Variants in PDE4B observed in about 807,000 individuals in gnomAD.
PDE4B encodes the protein 3',5'-cyclic-AMP phosphodiesterase 4B.
PDE4B carries 20 observed loss-of-function variants against 82.2 expected under a neutral mutation model. The ratio of observed to expected loss-of-function variants is 0.24; its 90% CI spans 0.17 to 0.35. PDE4B has a LOEUF of 0.35. Among genes scored for constraint, PDE4B ranks in the 10% least tolerant of loss-of-function variants. The pLI, the probability that PDE4B is intolerant of heterozygous loss-of-function variation, is 1.00. For missense variants in PDE4B, 655 were observed against 907.2 expected (o/e 0.72, Z 3.57); for synonymous variants, 320 against 318.9 (o/e 1.00, Z -0.04).
At chr1:65,855,884 C>T (rs754572991) in intron 1 of PDE4B, among the ~76,000 whole-genome samples, 3 of 152,080 alleles carry the variant, frequency 2.0e-5, no homozygotes, top group Non-Finnish European at 4.4e-5. Flanking sequence ...AGGCTAACCT[C>T]ATTTGCCTGC....
intron 1 of PDE4B, among the ~76,000 whole-genome samples, chr1:65,803,480 T>A (rs186795530): frequency 6.6e-6 from 1 of 152,268 alleles, no homozygotes; most frequent in Non-Finnish European, 1.5e-5. Context: ...AAGAGAACAA[T>A]AAAAACAACA....
At chr1:66,210,727 A>G (rs1649976822) in intron 3 of PDE4B, among the ~76,000 whole-genome samples, 1 of 152,110 alleles carries the variant, frequency 6.6e-6, no homozygotes, top group Admixed American at 6.5e-5. Context: ...TTTGCCAAAC[A>G]GGCAGGAGCA....
chr1:66,227,938 A>T (rs1557646689), intron 3 of PDE4B, among the ~76,000 whole-genome samples: 1 of 152,162 alleles, frequency 6.6e-6, no homozygotes. Flanking sequence ...AATCATCATC[A>T]GTCCTTGTCT....
intron 3 of PDE4B, among the ~76,000 whole-genome samples, chr1:65,920,100 T>C (rs1035771137): frequency 1.3e-5 from 2 of 152,212 alleles, no homozygotes; most frequent in African/African-American, 4.8e-5. Flanking sequence ...TCACATAGCT[T>C]ATGTGATTAG....
intron 3 of PDE4B, among the ~76,000 whole-genome samples, chr1:66,059,922 G>T (rs879755501): frequency 6.6e-6 from 1 of 151,958 alleles, no homozygotes; most frequent in South Asian, 2.1e-4. Flanking sequence ...ACAATTTCTG[G>T]CCAAAATGGC....
chr1:65,909,336 GA>G (rs1485094006), intron 1 of PDE4B, among the ~76,000 whole-genome samples: 4 of 152,128 alleles, frequency 2.6e-5, no homozygotes. Context: ...ATGTGTCCAT[GA>G]TATAGAATTT....
intron 1 of PDE4B, among the ~76,000 whole-genome samples, chr1:65,848,146 T>A (rs1364221355): frequency 7.3e-6 from 1 of 136,462 alleles, no homozygotes. Flanking sequence ...AGCTTTATCA[T>A]TTTTTTTTTT....
At chr1:65,799,587 T>C (rs1645671866) in intron 1 of PDE4B, among the ~76,000 whole-genome samples, 2 of 152,234 alleles carry the variant, frequency 1.3e-5, no homozygotes, top group African/African-American at 4.8e-5. Flanking sequence ...GTTATACTCA[T>C]GCACTAACTG....
chr1:65,795,770 C>G (rs990800512), intron 1 of PDE4B, among the ~76,000 whole-genome samples: 5 of 152,354 alleles, frequency 3.3e-5, no homozygotes, highest in Admixed American at 3.3e-4. Flanking sequence ...CTCTTTGGTC[C>G]TTTCTGTTTC....
chr1:66,000,185 G>T (rs1262885772), intron 3 of PDE4B, among the ~76,000 whole-genome samples: 1 of 152,172 alleles, frequency 6.6e-6, no homozygotes, highest in Non-Finnish European at 1.5e-5. Flanking sequence ...TAGCATGGTT[G>T]GTGCATCAGC....
At chr1:66,112,212 A>T (rs1270726158) in intron 3 of PDE4B, among the ~76,000 whole-genome samples, 2 of 152,166 alleles carry the variant, frequency 1.3e-5, no homozygotes, top group Non-Finnish European at 2.9e-5. Flanking sequence ...CCTGAAAAAT[A>T]AAAGTACTAA....
chr1:66,222,456 A>G (rs1367253109), intron 3 of PDE4B, among the ~76,000 whole-genome samples: 1 of 152,234 alleles, frequency 6.6e-6, no homozygotes, highest in Non-Finnish European at 1.5e-5. Context: ...GCACCTAGTA[A>G]AAGTTGATTC....
At chr1:66,008,874 T>C (rs1321918641) in intron 3 of PDE4B, among the ~76,000 whole-genome samples, 2 of 152,140 alleles carry the variant, frequency 1.3e-5, no homozygotes, top group Non-Finnish European at 2.9e-5. Context: ...GTCTAAATAT[T>C]GGAATGCTCC....
chr1:65,857,597 G>A (rs558521393), intron 1 of PDE4B, among the ~76,000 whole-genome samples: 1 of 152,272 alleles, frequency 6.6e-6, no homozygotes, highest in East Asian at 1.9e-4. Context: ...TGAGGCAGGT[G>A]GCTCTCTTGA....
chr1:65,886,060 AG>A (rs1165385381), intron 1 of PDE4B, among the ~76,000 whole-genome samples: 2 of 151,450 alleles, frequency 1.3e-5, no homozygotes, highest in Non-Finnish European at 2.9e-5. Context: ...GTATGAAAAA[AG>A]GAACATAAAA....
intron 7 of PDE4B, among the ~76,000 whole-genome samples, chr1:66,319,786 T>C (rs1485246081): frequency 6.6e-6 from 1 of 152,264 alleles, no homozygotes; most frequent in East Asian, 1.9e-4. Context: ...AAGTGGTCTA[T>C]AACTGCAAAG....
At chr1:65,895,177 A>C (rs1423670057) in intron 1 of PDE4B, among the ~76,000 whole-genome samples, 1 of 152,166 alleles carries the variant, frequency 6.6e-6, no homozygotes, top group Non-Finnish European at 1.5e-5. Context: ...TAGTTTTAAC[A>C]ATGTTAGAGA....
At chr1:65,869,795 GT>G (rs11320288) in intron 1 of PDE4B, among the ~76,000 whole-genome samples, 123,580 of 144,748 alleles carry the variant, frequency 0.85, 52,736 homozygotes, top group South Asian at 0.92. Flanking sequence ...GCTATACCAT[GT>G]TTTTTTTTTT....
intron 3 of PDE4B, among the ~76,000 whole-genome samples, chr1:65,936,381 C>T (rs912647934): frequency 6.6e-5 from 10 of 152,044 alleles, no homozygotes; most frequent in African/African-American, 1.7e-4. Context: ...AGTAATGCTA[C>T]GACATTATTA....
Sources: gnomAD v4.1 joint callset for allele counts (sites outside exome capture counted in the v4.1 genomes callset) on GRCh38, gnomAD v4.1.1 for gene constraint, MANE v1.5 for transcripts, NCBI Gene and HGNC (gene_info 2026-07-23, HGNC 2026-07-21) for gene names.